Variants in DCBLD2 observed in about 807,000 individuals in gnomAD.
DCBLD2 encodes discoidin, CUB and LCCL domain-containing protein 2.
Under a neutral mutation model 86.8 loss-of-function variants are expected in DCBLD2, and 54 were observed. The ratio of observed to expected loss-of-function variants is 0.62; its 90% CI spans 0.50 to 0.78. The LOEUF is 0.78. Ranked by LOEUF, DCBLD2 falls within the 30% of genes least tolerant of loss-of-function variation. The pLI is 0.00. For missense variants in DCBLD2, 908 were observed against 954.2 expected (o/e 0.95, Z 0.64); for synonymous variants, 354 against 341.3 (o/e 1.04, Z -0.41).
intron 9 of DCBLD2, chr3:98,812,753 T>A (rs1258756021): frequency 1.2e-5 from 3 of 260,210 alleles, no homozygotes; most frequent in Non-Finnish European, 2.2e-5. Context: ...AACTTGGCAT[T>A]TGGGTAAAAG....
chr3:98,854,391 A>C (rs556458187), intron 2 of DCBLD2, among the ~76,000 whole-genome samples: 3 of 152,242 alleles, frequency 2.0e-5, no homozygotes, highest in African/African-American at 7.2e-5. Flanking sequence ...TGAATGTCTA[A>C]AATGTCTTCC....
chr3:98,799,350 T>C lies in DCBLD2; in HGVS notation c.*22A>G. On this transcript the variant is annotated 3_prime_UTR_variant, in exon 16 of 16. Transcript: ENST00000326840. ...AAGGCCATGTGCTTTAAAACGATGCTTTGTAAAAAGCAGCATCATCTTCAA... is the reference window on the plus strand; with the variant it reads ...AAGGCCATGTGCTTTAAAACGATGCCTTGTAAAAAGCAGCATCATCTTCAA... The C allele has an allele frequency of 6.4e-7, 1 of 1,571,596 alleles. No homozygotes were observed. The highest frequency in any genetic ancestry group is 8.6e-7 in the Non-Finnish European group (1 of 1,160,724).
At chr3:98,849,903 C>CA (rs1576180659) in intron 2 of DCBLD2, among the ~76,000 whole-genome samples, 2 of 151,438 alleles carry the variant, frequency 1.3e-5, no homozygotes, top group African/African-American at 4.9e-5. Context: ...AAAAAATTAA[C>CA]AAAATATTTC....
chr3:98,901,390 G>A lies in DCBLD2; in HGVS notation c.-64C>T, dbSNP rs1314896028. 3 of 1,259,990 alleles carry A rather than the reference G, an allele frequency of 2.4e-6. No homozygotes were observed. The highest frequency in any genetic ancestry group is 8.6e-5 in the Admixed American group (2 of 23,288). The allele number at this position is 1,259,990 out of a possible 1,614,324, so 78.1% of individuals were successfully genotyped here. On this transcript the variant is annotated 5_prime_UTR_variant, in exon 1 of 16. Coordinates refer to ENST00000326840, the MANE Select transcript of DCBLD2 (RefSeq NM_080927.4). ...TCGGCAGCCCCGCGCGCCTCTGGCC[G>A]CGGCACCCGACCAGGAGACGGCGGC...
chr3:98,861,882 G>C (rs1276956708), intron 2 of DCBLD2, among the ~76,000 whole-genome samples: 1 of 151,966 alleles, frequency 6.6e-6, no homozygotes, highest in East Asian at 1.9e-4. Flanking sequence ...GATCAGAGAA[G>C]AACTGAAGGA....
rs537281242 is a variant in DCBLD2, at chr3:98,850,111, T to C, written c.434-513A>G. 1.6e-4 allele frequency among the ~76,000 whole-genome samples: 25 copies of C among 152,350 alleles called. 1 individual carries two copies. In the South Asian group the frequency reaches 5.2e-3, roughly 32 times the overall value. Reference sequence around the variant, plus strand: ...ATATCTGATCCCATGGCTTTAACTATGATCTGACAACTCACAAGCTTAACC... The same window carrying C: ...ATATCTGATCCCATGGCTTTAACTACGATCTGACAACTCACAAGCTTAACC... On this transcript the variant is annotated intron_variant, in intron 2 of 15. Coordinates refer to ENST00000326840, the MANE Select transcript of DCBLD2 (RefSeq NM_080927.4).
In DCBLD2 at chr3:98,873,198, C is replaced by T. The variant is rs184626692; in HGVS notation, c.433+8342G>A. The stretch of plus-strand genomic sequence containing the variant: ...TAGAATTATGAATATCTAGTCGACA[C>T]AGCACAGCAACTTTATAAAAGCAAA... On this transcript the variant is annotated intron_variant, in intron 2 of 15. Transcript: ENST00000326840. Among the ~76,000 whole-genome samples the T allele has an allele frequency of 1.0e-3, 156 of 152,060 alleles. 2 individuals carry two copies. The highest frequency in any genetic ancestry group is 7.2e-3 in the East Asian group (37 of 5,174).
At position 98,901,515 on chromosome 3, in the gene DCBLD2, C is replaced by A. The variant is rs1017341060; in HGVS notation, c.-189G>T. On this transcript the variant is annotated 5_prime_UTR_variant, in exon 1 of 16. Coordinates refer to ENST00000326840, the MANE Select transcript of DCBLD2 (RefSeq NM_080927.4). The stretch of plus-strand genomic sequence containing the variant: ...CTACTCCTCCTTCGTCCCTTCCCTC[C>A]GCTCCCCGCGCCGAGACCCCAGGCC... 1 of 476,154 alleles carries A rather than the reference C, an allele frequency of 2.1e-6. No individual in the cohort carries two copies. The highest frequency in any genetic ancestry group is 3.3e-6 in the Non-Finnish European group (1 of 306,050). 29.5% of individuals were successfully genotyped at this position (476,154 alleles called of 1,614,324 possible). A position where few individuals can be genotyped will look rare whatever the true frequency, so the allele number is the denominator to read the frequency against.
chr3:98,895,595 T>A lies in DCBLD2; in HGVS notation c.205+5527A>T, dbSNP rs531711910. On this transcript the variant is annotated intron_variant, in intron 1 of 15. Transcript: ENST00000326840. ...AGCTTACCAATCTAAAACCACTTTATCAGTGAGGCGTCTCCTACTTCTCCA... is the reference window on the plus strand; with the variant it reads ...AGCTTACCAATCTAAAACCACTTTAACAGTGAGGCGTCTCCTACTTCTCCA... Among the ~76,000 whole-genome samples, 76 of 152,308 alleles carry A rather than the reference T, an allele frequency of 5.0e-4. 1 individual carries two copies. The highest frequency in any genetic ancestry group is 3.4e-3 in the Middle Eastern group (1 of 294).
At chr3:98,833,686 A>G (rs1271610925) in intron 3 of DCBLD2, among the ~76,000 whole-genome samples, 1 of 152,176 alleles carries the variant, frequency 6.6e-6, no homozygotes, top group African/African-American at 2.4e-5. Flanking sequence ...CAGGATCTAC[A>G]TGGAGAACCG....
At chr3:98,863,345 C>T (rs1332195139) in intron 2 of DCBLD2, among the ~76,000 whole-genome samples, 1 of 152,080 alleles carries the variant, frequency 6.6e-6, no homozygotes, top group African/African-American at 2.4e-5. Flanking sequence ...ACTTTCTTCA[C>T]AGAATTGGAA....
At position 98,901,493 on chromosome 3, in the gene DCBLD2, C is replaced by T. The variant is rs1357868523; in HGVS notation, c.-167G>A. The T allele has an allele frequency of 3.5e-6, 2 of 574,338 alleles. No homozygotes were observed. Among genetic ancestry groups the T allele is most frequent in the Non-Finnish European group, 5.1e-6 (2 of 392,432 alleles). The allele number at this position is 574,338 out of a possible 1,614,324, so 35.6% of individuals were successfully genotyped here. On this transcript the variant is annotated 5_prime_UTR_variant, in exon 1 of 16. Coordinates refer to ENST00000326840, the MANE Select transcript of DCBLD2 (RefSeq NM_080927.4). ...CCGCCCCTCACCCCGCTTTCACCTA[C>T]TCCTCCTTCGTCCCTTCCCTCCGCT...
At chr3:98,854,483 T>C (rs1371306796) in intron 2 of DCBLD2, among the ~76,000 whole-genome samples, 1 of 152,168 alleles carries the variant, frequency 6.6e-6, no homozygotes, top group African/African-American at 2.4e-5. Flanking sequence ...AGCAAAGACT[T>C]GCCTGCAGAA....
Position 98,819,273 on chromosome 3 carries a change from G to A in DCBLD2, c.1016C>T (p.Pro339Leu), listed in dbSNP as rs1211179451. 1 of 1,612,412 alleles carries A rather than the reference G, an allele frequency of 6.2e-7. No individual in the cohort carries two copies. The highest frequency in any genetic ancestry group is 8.5e-7 in the Non-Finnish European group (1 of 1,179,238). The change falls in exon 8 of 16, where the codon CCT (proline) becomes CTT (leucine). Residue 339 changes from proline (P) to leucine (L), a missense_variant. Coordinates refer to ENST00000326840, the MANE Select transcript of DCBLD2 (RefSeq NM_080927.4). ...KKARLKKPGP[P>L]WAAFATDEYQ... ...TTCATCAGTGGCAAAAGCAGCCCAA[G>A]GCGGTCCAGGTTTTTTCAGCCTGGC...
intron 3 of DCBLD2, among the ~76,000 whole-genome samples, chr3:98,832,991 A>T (rs530872791): frequency 1.2e-3 from 188 of 152,322 alleles, no homozygotes; most frequent in Admixed American, 2.3e-3. Context: ...GAGGCTGGGG[A>T]AATTTTCATA....
chr3:98,855,743 G>A lies in DCBLD2; in HGVS notation c.434-6145C>T, dbSNP rs147645172. 7.0e-3 allele frequency among the ~76,000 whole-genome samples: 1,068 copies of A among 152,278 alleles called. 8 individuals carry two copies. The highest frequency in any genetic ancestry group is 0.019 in the African/African-American group (798 of 41,558). On this transcript the variant is annotated intron_variant, in intron 2 of 15. Transcript: ENST00000326840. Reference sequence around the variant, plus strand: ...AAAATTTATAGCATTCAGATGGGCTGAAATATTCATAAGGTAATATCAAAA... The same window carrying A: ...AAAATTTATAGCATTCAGATGGGCTAAAATATTCATAAGGTAATATCAAAA...
intron 13 of DCBLD2, 92 bp downstream of exon 13, chr3:98,807,989 C>T (rs909898626): frequency 4.2e-6 from 4 of 956,048 alleles, no homozygotes; most frequent in South Asian, 2.8e-5. Context: ...TTAACTCTCA[C>T]TCTCAAACAG....
At position 98,839,179 on chromosome 3, in the gene DCBLD2, TCTTCCTTC is replaced by T. The variant is rs1220136123; in HGVS notation, c.571+10274_571+10281del. On this transcript the variant is annotated intron_variant, in intron 3 of 15. Coordinates refer to ENST00000326840, the MANE Select transcript of DCBLD2 (RefSeq NM_080927.4). The stretch of plus-strand genomic sequence containing the variant: ...TCTTTCTTTCTTTCTTTCCTTTCTT[TCTTCCTTC>T]CTTCCTTCCTTCCTTCCTTCTTTCT... Among the ~76,000 whole-genome samples, 111 of 113,206 alleles carry T rather than the reference TCTTCCTTC, an allele frequency of 9.8e-4. 2 individuals carry two copies. The highest frequency in any genetic ancestry group is 3.1e-3 in the African/African-American group (83 of 26,970). The allele number at this position is 113,206 out of a possible 152,430, so 74.3% of individuals were successfully genotyped here. A position where few individuals can be genotyped will look rare whatever the true frequency, so the allele number is the denominator to read the frequency against.
At chr3:98,890,587 A>G (rs1943642699) in intron 1 of DCBLD2, 1 of 152,056 alleles carries the variant, frequency 6.6e-6, no homozygotes, top group Non-Finnish European at 1.5e-5. Context: ...CCAAAAGCCA[A>G]TGGAGAATTT....
Sources: allele counts gnomAD v4.1 joint callset (sites outside exome capture counted in the v4.1 genomes callset), GRCh38; gene constraint gnomAD v4.1.1; transcripts MANE v1.5; gene names NCBI Gene and HGNC (gene_info 2026-07-23, HGNC 2026-07-21).